Variants in BNIP5 observed in about 807,000 individuals in gnomAD.
BNIP5 encodes the protein BCL2 interacting protein 5.
BNIP5 carries 61 observed loss-of-function variants against 67.3 expected under a neutral mutation model. The observed-to-expected ratio is 0.91, with a 90% confidence interval of 0.74 to 1.12. The LOEUF is 1.12. Ranked by LOEUF, BNIP5 falls within the 50% of genes most tolerant of loss-of-function variation. The pLI, the probability that BNIP5 is intolerant of heterozygous loss-of-function variation, is 0.00. For synonymous variants in BNIP5, 317 were observed against 319.0 expected (o/e 0.99, Z 0.07); for missense variants, 826 against 816.3 (o/e 1.01, Z -0.14).
rs770842721 is a variant in BNIP5 at position 36,330,474 on chromosome 6, C to T, written c.217G>A (p.Ala73Thr). 58 of 1,614,054 alleles carry T rather than the reference C, an allele frequency of 3.6e-5. No individual in the cohort carries two copies. Among genetic ancestry groups the T allele is most frequent in the Middle Eastern group, 1.6e-4 (1 of 6,084 alleles). ...GTCTCCTCGGGAGTGGGGGCTGCAG[C>T]GGTGGTGCAGTGAGCCTCTGCAGAT... ...APSAEAHCTT[A>T]AAPTPEETGD... Residue 73 changes from alanine to threonine, a missense_variant, in exon 2 of 12, where the codon GCT (alanine) becomes ACT (threonine). Transcript: ENST00000437635.
In BNIP5 at chr6:36,316,636, A is replaced by G. The variant is rs537353711; in HGVS notation, c.*720T>C. ...AAGAAGCTATAGTGCCTACATGGAC[A>G]TGGCACTAGGTAATTTTCAGAACTC... is the stretch of plus-strand genomic sequence containing the variant. On this transcript the variant is annotated 3_prime_UTR_variant, in exon 12 of 12. Coordinates refer to ENST00000437635, the MANE Select transcript of BNIP5 (RefSeq NM_001010903.5). The G allele has an allele frequency of 4.5e-4, 179 of 398,722 alleles. No individual in the cohort carries two copies. The highest frequency in any genetic ancestry group is 6.3e-4 in the Non-Finnish European group (143 of 226,124). The allele number at this position is 398,722 out of a possible 1,614,324, so 24.7% of individuals were successfully genotyped here.
rs751043132 is a variant in BNIP5, at chr6:36,322,486, A to G, written c.1472-44T>C. 6.3e-6 allele frequency: 10 copies of G among 1,583,320 alleles called. No homozygotes were observed. The Admixed American group carries it at 7.0e-5, about 11-fold the overall frequency. The stretch of plus-strand genomic sequence containing the variant: ...TGTTGAGTGTTTTGCAGAGAGCTGA[A>G]TCTAGTTCCTGACAAGAAGCTGTTC... On this transcript the variant is annotated intron_variant, in intron 8 of 11. Coordinates refer to ENST00000437635, the MANE Select transcript of BNIP5 (RefSeq NM_001010903.5).
intron 1 of BNIP5, among the ~76,000 whole-genome samples, chr6:36,332,395 G>A (rs904230923): frequency 1.3e-5 from 2 of 152,008 alleles, no homozygotes; most frequent in African/African-American, 4.8e-5. Flanking sequence ...CTGGTGGTGT[G>A]CAATGTCGTG....
chr6:36,323,084 C>T (rs1771671185), intron 8 of BNIP5, among the ~76,000 whole-genome samples: 1 of 152,216 alleles, frequency 6.6e-6, no homozygotes, highest in African/African-American at 2.4e-5. Flanking sequence ...GCAGGGCCTA[C>T]TGGGGGTGGG....
intron 2 of BNIP5, 78 bp from the exon 3 acceptor site, chr6:36,328,792 T>G (rs901029046): frequency 9.9e-6 from 9 of 906,654 alleles, no homozygotes; most frequent in Non-Finnish European, 1.7e-5. Flanking sequence ...ACTTTGTTCA[T>G]CAACACGAGA....
chr6:36,322,211 C>T, intron 9 of BNIP5, 100 bp downstream of exon 9: 1 of 1,478,396 alleles, frequency 6.8e-7, no homozygotes, highest in Non-Finnish European at 9.4e-7. Context: ...GCTGCCTTCC[C>T]CATTCCTTCC....
chr6:36,330,240 C>G lies in BNIP5; in HGVS notation c.451G>C (p.Asp151His), dbSNP rs149916620. ...TGCTTCTTGCGGCTGGGCTTCTTGT[C>G]GTGGTGGGCTTTCTTCCTGAGGGCT... ...EPALRKKAHH[D>H]KKPSRKKQGH... Residue 151 changes from aspartate (D) to histidine (H), a missense_variant, in exon 2 of 12, where the codon GAC (aspartate) becomes CAC (histidine). Transcript: ENST00000437635. 1 of 1,614,122 alleles carries G rather than the reference C, an allele frequency of 6.2e-7. No homozygotes were observed. The highest frequency in any genetic ancestry group is 1.1e-5 in the South Asian group (1 of 91,088).
intron 11 of BNIP5, among the ~76,000 whole-genome samples, chr6:36,318,001 C>A (rs1771556074): frequency 6.6e-6 from 1 of 152,064 alleles, no homozygotes; most frequent in Non-Finnish European, 1.5e-5. Context: ...GACAGTGAAG[C>A]CAAGGAGAGA....
At chr6:36,325,139 C>T in intron 6 of BNIP5, 144 bp downstream of exon 6, 2 of 881,058 alleles carry the variant, frequency 2.3e-6, no homozygotes, top group South Asian at 3.2e-5. Context: ...GCTCTGGGCC[C>T]CAAGCTGCCT....
At position 36,326,490 on chromosome 6, in the gene BNIP5, C is replaced by A. The variant is rs369618461; in HGVS notation, c.1036+20G>T. On this transcript the variant is annotated intron_variant, in intron 5 of 11. Coordinates refer to ENST00000437635, the MANE Select transcript of BNIP5 (RefSeq NM_001010903.5). The stretch of plus-strand genomic sequence containing the variant: ...GGAGGCAGCTGCAGGGTTGCTATGG[C>A]AACTGCAGAGCCTGCTCACCATAGC... 3 of 1,613,468 alleles carry A rather than the reference C, an allele frequency of 1.9e-6. No individual in the cohort carries two copies. The highest frequency in any genetic ancestry group is 2.7e-5 in the African/African-American group (2 of 74,970).
chr6:36,320,327 G>T (rs770837367), intron 10 of BNIP5, among the ~76,000 whole-genome samples: 2 of 152,184 alleles, frequency 1.3e-5, no homozygotes, highest in Non-Finnish European at 2.9e-5. Flanking sequence ...TCCACTCAGG[G>T]CACCTTGGGA....
chr6:36,323,831 C>T (rs10456083), intron 7 of BNIP5, among the ~76,000 whole-genome samples: 58,611 of 151,724 alleles, frequency 0.39, 12,089 homozygotes, highest in Non-Finnish European at 0.48. Flanking sequence ...AAAACCCTGT[C>T]TCTACTGAAA....
intron 8 of BNIP5, 69 bp downstream of exon 8, chr6:36,323,224 A>G: frequency 6.3e-7 from 1 of 1,594,002 alleles, no homozygotes; most frequent in Non-Finnish European, 8.6e-7. Context: ...TGTCAACGAC[A>G]GACAGGCCAC....
At chr6:36,333,690 T>C (rs1291530706) in intron 1 of BNIP5, among the ~76,000 whole-genome samples, 1 of 152,242 alleles carries the variant, frequency 6.6e-6, no homozygotes, top group Non-Finnish European at 1.5e-5. Context: ...GACAGCAATG[T>C]CCCATTCCCC....
chr6:36,334,279 C>T (rs373592568), intron 1 of BNIP5, among the ~76,000 whole-genome samples: 4 of 152,194 alleles, frequency 2.6e-5, no homozygotes, highest in Non-Finnish European at 5.9e-5. Flanking sequence ...CAGGAGCCCC[C>T]GCAGCTGCTG....
intron 9 of BNIP5, 74 bp from the exon 10 acceptor site, chr6:36,321,293 G>T: frequency 9.8e-7 from 1 of 1,020,140 alleles, no homozygotes. Context: ...ACAAAGTGCT[G>T]CAACAATACA....
rs1179140528 is a variant in BNIP5 at position 36,330,309 on chromosome 6, C to A, written c.382G>T (p.Gly128Cys). ...AGGGGCTCCGGATGCTGGGAGATAC[C>A]CTCCTTCCCCCTTGGCCTCCTGCTG... Reference protein sequence around the residue: ...KASRRPRGKEGISQHPEPLEA... With the variant: ...KASRRPRGKECISQHPEPLEA... Residue 128 changes from glycine (G) to cysteine (C), a missense_variant, in exon 2 of 12, where the codon GGT (glycine) becomes TGT (cysteine). Coordinates refer to ENST00000437635, the MANE Select transcript of BNIP5 (RefSeq NM_001010903.5). 6.2e-7 allele frequency: 1 copy of A among 1,614,160 alleles called. No individual in the cohort carries two copies. Among genetic ancestry groups the A allele is most frequent in the East Asian group, 2.2e-5 (1 of 44,882 alleles).
chr6:36,329,877 G>GAAAGGAAAGAGAAAAGAGAGA (rs1336294000), intron 2 of BNIP5, among the ~76,000 whole-genome samples: 283 of 149,030 alleles, frequency 1.9e-3, no homozygotes, highest in African/African-American at 6.4e-3. Flanking sequence ...AAGAGAGAAA[G>GAAAGGAAAGAGAAAAGAGAGA]AAGAAGGAGG....
rs139083096 is a variant in BNIP5 at position 36,330,429 on chromosome 6, C to A, written c.262G>T (p.Glu88Ter). The stretch of plus-strand genomic sequence containing the variant: ...TTGGTGTCTTGCGAAGGCCTCTGCT[C>A]GCTGGGGAGAAAATCTCCGGTCTCC... ...PEETGDFLPS[E>*]QRPSQDTKKG... The change falls in exon 2 of 12, where the codon GAG becomes TAG. Residue 88 changes from glutamate to a stop codon, truncating the protein, a stop_gained. Coordinates refer to ENST00000437635, the MANE Select transcript of BNIP5 (RefSeq NM_001010903.5). LOFTEE classifies it high-confidence loss of function. The A allele has an allele frequency of 2.5e-6, 4 of 1,614,022 alleles. No homozygotes were observed. In the African/African-American group the frequency reaches 4.0e-5, roughly 16 times the overall value.
Sources: gnomAD v4.1 joint callset for allele counts (sites outside exome capture counted in the v4.1 genomes callset) on GRCh38, gnomAD v4.1.1 for gene constraint, MANE v1.5 for transcripts, NCBI Gene and HGNC (gene_info 2026-07-23, HGNC 2026-07-21) for gene names.